The following PARP12 variants were observed in gnomAD, a reference collection of about 807,000 sequenced individuals.
PARP12 encodes poly(ADP-ribose) polymerase family member 12.
In PARP12, 59 loss-of-function variants were observed where a neutral mutation model predicts 72.4. That is an observed-to-expected ratio of 0.81 (90% confidence interval 0.66 to 1.01). PARP12 has a LOEUF of 1.01. Ranked by LOEUF, PARP12 falls within the 50% of genes least tolerant of loss-of-function variation. The probability of loss-of-function intolerance (pLI) is 0.00; values close to 1 mark genes in which losing one functional copy is unlikely to be tolerated. For missense variants in PARP12, 851 were observed against 914.0 expected, an observed-to-expected ratio of 0.93 and a Z score of 0.89; for synonymous variants, 403 against 371.4, an observed-to-expected ratio of 1.09 and a Z score of -0.98.
In PARP12 at chr7:140,037,817, C is replaced by A. The variant is rs777117049; in HGVS notation, c.1222G>T (p.Val408Leu). The change falls in exon 7 of 12, where the codon GTG becomes TTG. Residue 408 changes from valine (V) to leucine (L), a missense_variant. Transcript: ENST00000263549. ...HPVTTVSSSD[V>L]EKAYLAYCTP... ...CAGTAGGCCAGGTAGGCCTTCTCCA[C>A]GTCGCTACTGCTGACAGTGGTCACA... 23 of 1,613,736 alleles carry A rather than the reference C, an allele frequency of 1.4e-5. No homozygotes were observed. In the African/African-American group the frequency reaches 2.9e-4, roughly 21 times the overall value.
chr7:140,049,707 G>A (rs780609794), intron 4 of PARP12, among the ~76,000 whole-genome samples: 7 of 152,168 alleles, frequency 4.6e-5, no homozygotes, highest in South Asian at 2.1e-4. Flanking sequence ...TGAGGCTTCC[G>A]TTCTGAAACA....
intron 4 of PARP12, among the ~76,000 whole-genome samples, chr7:140,051,099 G>T (rs924273135): frequency 1.3e-5 from 2 of 152,168 alleles, no homozygotes; most frequent in African/African-American, 4.8e-5. Context: ...GGTTACTTTG[G>T]GGGTGTTGAA....
intron 10 of PARP12, 126 bp downstream of exon 10, chr7:140,027,150 G>A: frequency 1.5e-6 from 2 of 1,316,166 alleles, no homozygotes; most frequent in South Asian, 2.7e-5. Flanking sequence ...CAGACACACA[G>A]CTCCCAGCAC....
At chr7:140,042,628 AC>A (rs1459838315) in intron 5 of PARP12, among the ~76,000 whole-genome samples, 2 of 152,138 alleles carry the variant, frequency 1.3e-5, no homozygotes, top group African/African-American at 4.8e-5. Context: ...TAAAACCAGG[AC>A]CCTAAAAGAT....
chr7:140,057,803 C>G (rs1455230046), intron 2 of PARP12, 96 bp downstream of exon 2: 1 of 1,513,696 alleles, frequency 6.6e-7, no homozygotes, highest in Admixed American at 2.0e-5. Context: ...CAGAGATCAC[C>G]AAGGGCCCAC....
chr7:140,025,591 G>A (rs1020703656), intron 11 of PARP12: 21 of 455,802 alleles, frequency 4.6e-5, no homozygotes, highest in Non-Finnish European at 8.8e-5. Flanking sequence ...ACCTGAAAAT[G>A]GTGCAGAAAG....
At chr7:140,050,582 G>C (rs958134668) in intron 4 of PARP12, among the ~76,000 whole-genome samples, 1 of 152,114 alleles carries the variant, frequency 6.6e-6, no homozygotes, top group African/African-American at 2.4e-5. Flanking sequence ...AGACAACCAA[G>C]AGTCGCTCAA....
chr7:140,045,321 C>T (rs1420532874), intron 5 of PARP12, among the ~76,000 whole-genome samples: 2 of 152,220 alleles, frequency 1.3e-5, no homozygotes, highest in African/African-American at 4.8e-5. Context: ...GTATGAGCTG[C>T]TGCGCTCGAC....
In PARP12 at chr7:140,057,105, A is replaced by C; in HGVS notation, c.511T>G (p.Phe171Val). 3 of 1,614,144 alleles carry C rather than the reference A, an allele frequency of 1.9e-6. No homozygotes were observed. Among genetic ancestry groups the C allele is most frequent in the Non-Finnish European group, 2.5e-6 (3 of 1,180,024 alleles). ...KGDGPHGSCA[F>V]QKQCIKLHIC... ...TGGAGCTTGATGCACTGCTTTTGAA[A>C]GGCACAAGAGCCGTGGGGTCCATCT... Residue 171 changes from phenylalanine to valine, a missense_variant, in exon 3 of 12, where the codon TTT becomes GTT. Phe to Val is a conservative substitution (Grantham distance 50, BLOSUM62 -1). Coordinates refer to ENST00000263549, the MANE Select transcript of PARP12 (RefSeq NM_022750.4).
chr7:140,034,217 C>G lies in PARP12; in HGVS notation c.1421+18G>C. On this transcript the variant is annotated intron_variant, in intron 8 of 11. Transcript: ENST00000263549. ...AGCTGATTACATCCTAAGTACCAAG[C>G]CCCCCACTGCAACCTACCAGGTTTG... 6.2e-7 allele frequency: 1 copy of G among 1,608,502 alleles called. No homozygotes were observed. The highest frequency in any genetic ancestry group is 8.5e-7 in the Non-Finnish European group (1 of 1,176,444).
intron 9 of PARP12, 88 bp from the exon 10 acceptor site, chr7:140,027,494 A>G: frequency 6.6e-7 from 1 of 1,512,384 alleles, no homozygotes; most frequent in South Asian, 1.2e-5. Context: ...AAACACTAGA[A>G]CCGCAGAAGC....
At chr7:140,026,046 T>A in intron 11 of PARP12, 151 bp downstream of exon 11, 2 of 1,188,350 alleles carry the variant, frequency 1.7e-6, no homozygotes, top group South Asian at 2.8e-5. Context: ...AGAGCAAGGA[T>A]GTGACTGGTA....
intron 4 of PARP12, among the ~76,000 whole-genome samples, chr7:140,048,093 A>G (rs920472002): frequency 2.6e-5 from 4 of 152,180 alleles, no homozygotes; most frequent in Non-Finnish European, 4.4e-5. Context: ...AGATGGAGCC[A>G]GATTCATCCC....
In PARP12 at chr7:140,058,322, T is replaced by C. The variant is rs1402619633; in HGVS notation, c.327-288A>G. On this transcript the variant is annotated intron_variant, in intron 1 of 11. Coordinates refer to ENST00000263549, the MANE Select transcript of PARP12 (RefSeq NM_022750.4). ...GTCAGGAGATTGAGACCATCCTGGC[T>C]AACACAGTGAAACCCCGTCTCTACT... Among the ~76,000 whole-genome samples, 3 of 151,934 alleles carry C rather than the reference T, an allele frequency of 2.0e-5. No homozygotes were observed. The East Asian group carries it at 5.8e-4, about 29-fold the overall frequency.
chr7:140,041,465 A>G (rs1303919136), intron 6 of PARP12, 179 bp downstream of exon 6: 1 of 552,590 alleles, frequency 1.8e-6, no homozygotes, highest in Non-Finnish European at 3.1e-6. Context: ...AGCTCATACA[A>G]ATAAATTCCA....
chr7:140,062,763 G>T lies in PARP12; in HGVS notation c.85C>A (p.Arg29Ser). 7.2e-7 allele frequency: 1 copy of T among 1,389,454 alleles called. No homozygotes were observed. The highest frequency in any genetic ancestry group is 9.4e-7 in the Non-Finnish European group (1 of 1,066,726). The allele number at this position is 1,389,454 out of a possible 1,614,324, so 86.1% of individuals were successfully genotyped here. ...GALELPELRR[R>S]LRMGLSADAL... is the part of the protein sequence containing the mutation. ...TCGGCGCTCAAGCCCATCCGCAAGC[G>T]GCGCCGCAGCTCGGGCAACTCCAGG... The change falls in exon 1 of 12, where the codon CGC (arginine) becomes AGC (serine). Residue 29 changes from arginine to serine, a missense_variant. Coordinates refer to ENST00000263549, the MANE Select transcript of PARP12 (RefSeq NM_022750.4).
rs144145354 is a variant in PARP12 at position 140,024,689 on chromosome 7, G to A, written c.1977C>T (p.Ser659=). 3.0e-5 allele frequency: 48 copies of A among 1,614,064 alleles called. No homozygotes were observed. The highest frequency in any genetic ancestry group is 4.0e-5 in the Non-Finnish European group (47 of 1,180,036). Residue 659 remains serine, a synonymous_variant, in exon 12 of 12, where the codon TCC becomes TCT. Transcript: ENST00000263549. ...DSCVNSVSDP[S]IFVIFEKHQV... ...GGTGTTTCTCAAAGATCACAAAGATGGAGGGGTCGGACACACTGTTCACGC... is the reference window on the plus strand; with the variant it reads ...GGTGTTTCTCAAAGATCACAAAGATAGAGGGGTCGGACACACTGTTCACGC...
At chr7:140,045,006 C>T (rs534128980) in intron 5 of PARP12, among the ~76,000 whole-genome samples, 2 of 151,348 alleles carry the variant, frequency 1.3e-5, no homozygotes, top group Admixed American at 1.3e-4. Flanking sequence ...ATTATATCAG[C>T]AATACATACA....
At chr7:140,030,013 C>T (rs571846496) in intron 8 of PARP12, among the ~76,000 whole-genome samples, 117 of 152,220 alleles carry the variant, frequency 7.7e-4, no homozygotes, top group African/African-American at 2.7e-3. Context: ...TGCACCTATC[C>T]GCAGCTTAAG....
Sources: allele counts gnomAD v4.1 joint callset (sites outside exome capture counted in the v4.1 genomes callset), GRCh38; gene constraint gnomAD v4.1.1; transcripts MANE v1.5; gene names NCBI Gene and HGNC (gene_info 2026-07-23, HGNC 2026-07-21).